Variants in FAT3 observed in about 807,000 individuals in gnomAD.
FAT3 encodes the protein FAT atypical cadherin 3, also known as protocadherin Fat 3.
In FAT3, 95 loss-of-function variants were observed where a neutral mutation model predicts 310.2. The ratio of observed to expected loss-of-function variants is 0.31; its 90% confidence interval spans 0.26 to 0.36. FAT3 has a LOEUF of 0.36. Ranked by LOEUF, FAT3 falls within the 10% of genes least tolerant of loss-of-function variation. FAT3 has a pLI of 1.00. For synonymous variants in FAT3, 2,314 were observed against 2,192.9 expected (o/e 1.06, Z -1.54); for missense variants, 5,408 against 5,715.6 (o/e 0.95, Z 1.74).
At chr11:92,606,291 C>T (rs1162986738) in intron 3 of FAT3, among the ~76,000 whole-genome samples, 1 of 152,186 alleles carries the variant, frequency 6.6e-6, no homozygotes, top group Non-Finnish European at 1.5e-5. Context: ...ATTCTGTTGT[C>T]ATTTGGCATG....
At chr11:92,559,009 A>G (rs973352071) in intron 3 of FAT3, among the ~76,000 whole-genome samples, 3 of 152,178 alleles carry the variant, frequency 2.0e-5, no homozygotes, top group African/African-American at 7.2e-5. Context: ...TATACATCTT[A>G]CTTAATTGTC....
intron 1 of FAT3, among the ~76,000 whole-genome samples, chr11:92,336,742 T>C (rs1948095499): frequency 6.6e-6 from 1 of 152,216 alleles, no homozygotes; most frequent in African/African-American, 2.4e-5. Context: ...TCAAATAATC[T>C]GAAACTATCA....
chr11:92,264,239 C>A (rs1244852459), intron 1 of FAT3, among the ~76,000 whole-genome samples: 2 of 152,086 alleles, frequency 1.3e-5, no homozygotes, highest in African/African-American at 4.8e-5. Context: ...GAGACATGAA[C>A]ACTGATACTA....
chr11:92,339,318 C>T (rs556425107), intron 1 of FAT3, among the ~76,000 whole-genome samples: 1 of 152,012 alleles, frequency 6.6e-6, no homozygotes, highest in Non-Finnish European at 1.5e-5. Flanking sequence ...TCAAAATTGC[C>T]CCTTACTCTA....
chr11:92,225,615 G>C (rs1339476055), intron 1 of FAT3, among the ~76,000 whole-genome samples: 1 of 152,150 alleles, frequency 6.6e-6, no homozygotes, highest in African/African-American at 2.4e-5. Context: ...GCCGATGGAT[G>C]ATGCACTTAG....
At chr11:92,592,094 A>T (rs184444836) in intron 3 of FAT3, among the ~76,000 whole-genome samples, 1 of 152,208 alleles carries the variant, frequency 6.6e-6, no homozygotes, top group African/African-American at 2.4e-5. Flanking sequence ...AGAAACGATG[A>T]GGTGGGGGTG....
chr11:92,850,160 T>C (rs2136305234), intron 19 of FAT3, among the ~76,000 whole-genome samples: 1 of 152,328 alleles, frequency 6.6e-6, no homozygotes, highest in South Asian at 2.1e-4. Context: ...AGAGAGCCAA[T>C]CCCAGTGGCT....
chr11:92,740,840 G>A (rs988709542), intron 4 of FAT3, among the ~76,000 whole-genome samples: 2 of 151,978 alleles, frequency 1.3e-5, no homozygotes, highest in African/African-American at 4.8e-5. Context: ...TCATTTGATT[G>A]GTCAGTTTTA....
intron 3 of FAT3, among the ~76,000 whole-genome samples, chr11:92,562,130 T>C (rs1955248833): frequency 1.3e-5 from 2 of 152,146 alleles, no homozygotes; most frequent in Non-Finnish European, 2.9e-5. Flanking sequence ...TTTCCTTAAC[T>C]CTGATTATCA....
Position 92,867,039 on chromosome 11 carries a change from T to G in FAT3, c.11957T>G (p.Leu3986Arg). ...TQVLSGFQGC[L>R]DSVILNNNEL... ...GTGCTCAGCGGCTTCCAGGGCTGCC[T>G]GGACTCGGTGATACTGAATAACAAT... Residue 3986 changes from leucine (L) to arginine (R), a missense_variant, in exon 22 of 28, where the codon CTG becomes CGG. Physicochemically the swap from Leu to Arg is moderately radical, Grantham distance 102. This residue lies in a region of FAT3 where 4,588 missense variants were observed against 4,809.8 expected (regional missense o/e 0.95). Transcript: ENST00000525166. 6.3e-7 allele frequency: 1 copy of G among 1,589,566 alleles called. No homozygotes were observed. The highest frequency in any genetic ancestry group is 8.6e-7 in the Non-Finnish European group (1 of 1,168,076).
intron 2 of FAT3, among the ~76,000 whole-genome samples, chr11:92,445,995 CTT>C (rs1555049015): frequency 2.0e-5 from 3 of 152,154 alleles, no homozygotes; most frequent in Non-Finnish European, 4.4e-5. Context: ...AAATTGGACT[CTT>C]AATTCGTTTG....
At chr11:92,874,458 T>C (rs1434044278) in intron 22 of FAT3, among the ~76,000 whole-genome samples, 1 of 152,238 alleles carries the variant, frequency 6.6e-6, no homozygotes, top group Non-Finnish European at 1.5e-5. Context: ...ACTAATGAGC[T>C]TGGGCTCAGT....
At chr11:92,402,015 A>G (rs2096733) in intron 2 of FAT3, among the ~76,000 whole-genome samples, 2,154 of 152,346 alleles carry the variant, frequency 0.014, 31 homozygotes, top group South Asian at 0.035. Flanking sequence ...AACCATACTC[A>G]GATATGACAC....
chr11:92,385,367 T>C (rs957192404), intron 2 of FAT3, among the ~76,000 whole-genome samples: 2 of 152,108 alleles, frequency 1.3e-5, no homozygotes, highest in Non-Finnish European at 2.9e-5. Flanking sequence ...CAGAGTCTTA[T>C]TTTATTTTAT....
chr11:92,861,208 C>G (rs1188206737), intron 21 of FAT3, among the ~76,000 whole-genome samples: 6 of 152,208 alleles, frequency 3.9e-5, no homozygotes, highest in Non-Finnish European at 7.3e-5. Context: ...TCTTAGGGCT[C>G]TACGTGGGCC....
Position 92,799,207 on chromosome 11 carries a change from T to C in FAT3, c.6194T>C (p.Val2065Ala), listed in dbSNP as rs1327408486. The change falls in exon 10 of 28, where the codon GTG becomes GCG. Residue 2065 changes from valine to alanine, a missense_variant. Around this residue, in one of 5 missense-constraint regions of FAT3, gnomAD observed 4,588 missense variants for 4,809.8 expected, o/e 0.95. Transcript: ENST00000525166. ...AGCCGTGAGCTGGACCATCTGCGTGTGGCCAGAGTGGTGGTCAGGGTTAAC... is the reference window on the plus strand; with the variant it reads ...AGCCGTGAGCTGGACCATCTGCGTGCGGCCAGAGTGGTGGTCAGGGTTAAC... ...EASRELDHLR[V>A]ARVVVRVNIE... 6.2e-7 allele frequency: 1 copy of C among 1,613,952 alleles called. No homozygotes were observed.
intron 1 of FAT3, among the ~76,000 whole-genome samples, chr11:92,346,761 C>A (rs35846763): frequency 0.026 from 3,886 of 152,266 alleles, 58 homozygotes; most frequent in Non-Finnish European, 0.033. Context: ...CACTAGATGG[C>A]AAGTCCTGGA....
intron 2 of FAT3, among the ~76,000 whole-genome samples, chr11:92,411,423 G>A (rs551107695): frequency 6.6e-6 from 1 of 151,924 alleles, no homozygotes; most frequent in African/African-American, 2.4e-5. Context: ...GTAAGTGTGG[G>A]GAGAGATTGT....
chr11:92,625,823 A>G (rs1212246680), intron 3 of FAT3, among the ~76,000 whole-genome samples: 1 of 151,714 alleles, frequency 6.6e-6, no homozygotes, highest in Non-Finnish European at 1.5e-5. Context: ...GATTTCTCTC[A>G]TTTGTCACTT....
Sources: gnomAD v4.1 joint callset for allele counts (sites outside exome capture counted in the v4.1 genomes callset) on GRCh38, gnomAD v4.1.1 for gene constraint, gnomAD v4.1.1 regional missense constraint, MANE v1.5 for transcripts, NCBI Gene and HGNC (gene_info 2026-07-23, HGNC 2026-07-21) for gene names.